LHFPL4: variants seen among roughly 807,000 people sequenced by gnomAD.
LHFPL4 encodes LHFPL tetraspan subfamily member 4, also known as LHFPL tetraspan subfamily member 4 protein.
In LHFPL4, 6 loss-of-function variants were observed where a neutral mutation model predicts 20.0. The ratio of observed to expected loss-of-function variants is 0.30; its 90% CI spans 0.16 to 0.59. The LOEUF is 0.59. LHFPL4 is among the 20% of genes least tolerant of loss of function. The pLI, the probability that LHFPL4 is intolerant of heterozygous loss-of-function variation, is 0.88. For synonymous variants in LHFPL4, 129 were observed against 143.8 expected, an observed-to-expected ratio of 0.90 and a Z score of 0.74; for missense variants, 215 against 331.2, an observed-to-expected ratio of 0.65 and a Z score of 2.72.
intron 2 of LHFPL4, among the ~76,000 whole-genome samples, chr3:9,534,434 G>A (rs139812727): frequency 4.3e-4 from 65 of 152,288 alleles, no homozygotes; most frequent in African/African-American, 1.4e-3. Context: ...CAAGGCTCAT[G>A]GTAACAAATA....
chr3:9,540,666 G>C (rs1372698894), intron 2 of LHFPL4, among the ~76,000 whole-genome samples: 1 of 152,040 alleles, frequency 6.6e-6, no homozygotes, highest in Non-Finnish European at 1.5e-5. Context: ...GGCTAAGAGG[G>C]AGGACTGCTT....
rs2046219680 is a variant in LHFPL4 at position 9,506,551 on chromosome 3, T to C, written c.407-348A>G. On this transcript the variant is annotated intron_variant, in intron 2 of 3. Transcript: ENST00000287585. The surrounding 1 kb of genome is among the most constrained non-coding windows in gnomAD (Gnocchi z 4.5). Reference sequence around the variant, plus strand: ...GCATCGGGACCAACTCCCTCTCCCATCTCTCCCATCCTCATTATTATTATT... The same window carrying C: ...GCATCGGGACCAACTCCCTCTCCCACCTCTCCCATCCTCATTATTATTATT... Among the ~76,000 whole-genome samples, 1 of 152,128 alleles carries C rather than the reference T, an allele frequency of 6.6e-6. No homozygotes were observed. Among genetic ancestry groups the C allele is most frequent in the African/African-American group, 2.4e-5 (1 of 41,410 alleles).
At chr3:9,551,432 A>G (rs546197074) in intron 2 of LHFPL4, among the ~76,000 whole-genome samples, 2 of 151,714 alleles carry the variant, frequency 1.3e-5, no homozygotes, top group South Asian at 4.2e-4. Context: ...TTCAAAATCT[A>G]TCTCTGATCG....
chr3:9,549,865 A>G lies in LHFPL4; in HGVS notation c.406+2409T>C, dbSNP rs573998359. Among the ~76,000 whole-genome samples the G allele has an allele frequency of 2.3e-4, 35 of 152,250 alleles. No individual in the cohort carries two copies. The South Asian group carries it at 4.0e-3, about 17-fold the overall frequency. On this transcript the variant is annotated intron_variant, in intron 2 of 3. Transcript: ENST00000287585. Reference sequence around the variant, plus strand: ...GAAAGAGTTGTCCCAGGATCCCCACAGGGCTGAAAGAGATACTTTATTTTT... The same window carrying G: ...GAAAGAGTTGTCCCAGGATCCCCACGGGGCTGAAAGAGATACTTTATTTTT...
intron 2 of LHFPL4, among the ~76,000 whole-genome samples, chr3:9,519,312 T>C (rs780942429): frequency 1.8e-4 from 28 of 151,942 alleles, no homozygotes; most frequent in Middle Eastern, 3.4e-3. Flanking sequence ...TGACCTTAGG[T>C]GATCCACCCG....
rs1166216418 is a variant in LHFPL4 at position 9,552,728 on chromosome 3, G to A, written c.-49C>T. 3 of 1,133,066 alleles carry A rather than the reference G, an allele frequency of 2.6e-6. No homozygotes were observed. Among genetic ancestry groups the A allele is most frequent in the Non-Finnish European group, 2.2e-6 (2 of 910,312 alleles). 70.2% of individuals were successfully genotyped at this position (1,133,066 alleles called of 1,614,324 possible). On this transcript the variant is annotated 5_prime_UTR_variant, in exon 2 of 4. Coordinates refer to ENST00000287585, the MANE Select transcript of LHFPL4 (RefSeq NM_198560.3). The stretch of plus-strand genomic sequence containing the variant: ...GCGGCGGCGGCTGGCGGGGGCCGCC[G>A]GCCCGGGACGGAGCGCCGGGCTGCC...
intron 2 of LHFPL4, among the ~76,000 whole-genome samples, chr3:9,508,454 C>T (rs1456743631): frequency 1.3e-5 from 2 of 152,186 alleles, no homozygotes; most frequent in Non-Finnish European, 2.9e-5. Flanking sequence ...CAAAGTCCTG[C>T]GGCGGGAACA....
intron 2 of LHFPL4, among the ~76,000 whole-genome samples, chr3:9,510,077 T>C (rs2046247132): frequency 6.6e-6 from 1 of 152,162 alleles, no homozygotes; most frequent in African/African-American, 2.4e-5. Context: ...GGCCAACCAA[T>C]GCACTGTGGG....
chr3:9,506,285 G>T lies in LHFPL4; in HGVS notation c.407-82C>A. Reference sequence around the variant, plus strand: ...TTACTCGCTAGTGTCCGCAGTCTGGGCCCCACCCTATTGAGGGCACATCAA... The same window carrying T: ...TTACTCGCTAGTGTCCGCAGTCTGGTCCCCACCCTATTGAGGGCACATCAA... On this transcript the variant is annotated intron_variant, in intron 2 of 3. Coordinates refer to ENST00000287585, the MANE Select transcript of LHFPL4 (RefSeq NM_198560.3). This position sits in a 1 kb window ranked among gnomAD's most constrained non-coding sequence, Gnocchi z 4.5. 8.8e-7 allele frequency: 1 copy of T among 1,139,452 alleles called. No homozygotes were observed. 70.6% of individuals were successfully genotyped at this position (1,139,452 alleles called of 1,614,324 possible).
At chr3:9,545,205 A>T (rs1156369693) in intron 2 of LHFPL4, among the ~76,000 whole-genome samples, 1 of 152,100 alleles carries the variant, frequency 6.6e-6, no homozygotes, top group African/African-American at 2.4e-5. Flanking sequence ...AAAAGTACTA[A>T]AAAAGAGAGA....
rs1329241538 is a variant in LHFPL4 at position 9,500,786 on chromosome 3, G to C, written c.*1425C>G. 1 of 152,260 alleles carries C rather than the reference G, an allele frequency of 6.6e-6. No homozygotes were observed. Among genetic ancestry groups the C allele is most frequent in the Non-Finnish European group, 1.5e-5 (1 of 68,134 alleles). 9.4% of individuals were successfully genotyped at this position (152,260 alleles called of 1,614,324 possible). A position where few individuals can be genotyped will look rare whatever the true frequency, so the allele number is the denominator to read the frequency against. ...AGCTGTCCAGGCCCCAGGGCAGGGA[G>C]GCTCCCCGGGAGAGATGGCTCTGCC... is the stretch of plus-strand genomic sequence containing the variant. On this transcript the variant is annotated 3_prime_UTR_variant, in exon 4 of 4. Transcript: ENST00000287585.
rs113713444 is a variant in LHFPL4, at chr3:9,536,699, T to C, written c.406+15575A>G. On this transcript the variant is annotated intron_variant, in intron 2 of 3. Coordinates refer to ENST00000287585, the MANE Select transcript of LHFPL4 (RefSeq NM_198560.3). ...TATCATGGCTGGGCACAGTGGCTCA[T>C]GCCTGTAATCCTAGCACTTTGGAAG... is the stretch of plus-strand genomic sequence containing the variant. 2.6e-3 allele frequency among the ~76,000 whole-genome samples: 397 copies of C among 152,188 alleles called. 2 individuals carry two copies. The highest frequency in any genetic ancestry group is 9.2e-3 in the African/African-American group (383 of 41,522).
intron 2 of LHFPL4, among the ~76,000 whole-genome samples, chr3:9,537,665 A>G (rs933830283): frequency 6.6e-6 from 1 of 151,920 alleles, no homozygotes; most frequent in Non-Finnish European, 1.5e-5. Flanking sequence ...GCCTTCCTCG[A>G]GCCTATCTTC....
chr3:9,534,185 C>G (rs1239823713), intron 2 of LHFPL4, among the ~76,000 whole-genome samples: 1 of 151,664 alleles, frequency 6.6e-6, no homozygotes, highest in Non-Finnish European at 1.5e-5. Flanking sequence ...CCACTGCACT[C>G]CAGCCTGGGT....
chr3:9,540,459 G>C (rs1414667548), intron 2 of LHFPL4, among the ~76,000 whole-genome samples: 1 of 152,216 alleles, frequency 6.6e-6, no homozygotes, highest in African/African-American at 2.4e-5. Context: ...TTGTAATAGA[G>C]TGTGGCAGAA....
chr3:9,537,729 G>C (rs2046452179), intron 2 of LHFPL4, among the ~76,000 whole-genome samples: 1 of 152,120 alleles, frequency 6.6e-6, no homozygotes, highest in Non-Finnish European at 1.5e-5. Context: ...CTGTCTCACA[G>C]TTAGTTTTTC....
intron 2 of LHFPL4, among the ~76,000 whole-genome samples, chr3:9,547,596 C>T (rs1038662907): frequency 6.6e-6 from 1 of 152,148 alleles, no homozygotes; most frequent in African/African-American, 2.4e-5. Flanking sequence ...TAAATGACAA[C>T]GAGTGTGAAA....
intron 3 of LHFPL4, among the ~76,000 whole-genome samples, chr3:9,502,769 C>G (rs2046186585): frequency 1.3e-5 from 2 of 151,900 alleles, no homozygotes; most frequent in South Asian, 4.2e-4. Context: ...CCTAGCCTCA[C>G]CTGACCAGCA....
chr3:9,531,395 G>A (rs1356893090), intron 2 of LHFPL4, among the ~76,000 whole-genome samples: 2 of 152,166 alleles, frequency 1.3e-5, no homozygotes, highest in African/African-American at 2.4e-5. Context: ...CTGCATATAC[G>A]CTTGAGTATC....
Sources: gnomAD v4.1 joint callset for allele counts (sites outside exome capture counted in the v4.1 genomes callset) on GRCh38, gnomAD v4.1.1 for gene constraint, Gnocchi (gnomAD v3.1) non-coding constraint, MANE v1.5 for transcripts, NCBI Gene and HGNC (gene_info 2026-07-23, HGNC 2026-07-21) for gene names.